The following CCDC3 variants were observed in gnomAD, a reference collection of about 807,000 sequenced individuals.
CCDC3 encodes coiled-coil domain containing 3.
A neutral mutation model predicts 21.4 loss-of-function variants in CCDC3; 24 were observed. The observed-to-expected ratio is 1.12, with a 90% CI of 0.81 to 1.58. The LOEUF (loss-of-function observed/expected upper bound fraction) is 1.58, where lower values mean the gene tolerates loss of function less well. Among genes scored for constraint, CCDC3 ranks in the 40% most tolerant of loss-of-function variants. CCDC3 has a pLI of 0.00. For synonymous variants in CCDC3, 186 were observed against 166.0 expected, an observed-to-expected ratio of 1.12 and a Z score of -0.93; for missense variants, 425 against 360.9, an observed-to-expected ratio of 1.18 and a Z score of -1.44.
chr10:12,996,183 TAAG>T (rs1276324459), intron 2 of CCDC3, among the ~76,000 whole-genome samples: 2 of 152,048 alleles, frequency 1.3e-5, no homozygotes, highest in African/African-American at 4.8e-5. Context: ...CAGTAATGAT[TAAG>T]AAGGAGAAAA....
At chr10:13,012,591 G>C (rs1465584772) in intron 5 of CCDC3, among the ~76,000 whole-genome samples, 1 of 152,000 alleles carries the variant, frequency 6.6e-6, no homozygotes, top group African/African-American at 2.4e-5. Flanking sequence ...TATACTGCTG[G>C]TGGGAGGAGG....
At chr10:12,940,352 T>G (rs1354631305) in intron 2 of CCDC3, among the ~76,000 whole-genome samples, 1 of 150,312 alleles carries the variant, frequency 6.7e-6, no homozygotes, top group East Asian at 2.0e-4. Context: ...ATATTATTGG[T>G]GCACAAGAGA....
At chr10:13,000,880 G>A (rs1397266770) in intron 1 of CCDC3, among the ~76,000 whole-genome samples, 1 of 152,206 alleles carries the variant, frequency 6.6e-6, no homozygotes, top group Non-Finnish European at 1.5e-5. Context: ...TACTCCCACT[G>A]AGGCCAGTTT....
At chr10:12,928,272 A>T (rs1834578185) in intron 2 of CCDC3, among the ~76,000 whole-genome samples, 1 of 152,242 alleles carries the variant, frequency 6.6e-6, no homozygotes, top group Non-Finnish European at 1.5e-5. Flanking sequence ...TTAAGCTTGG[A>T]AAGCCAGTAT....
intron 4 of CCDC3, among the ~76,000 whole-genome samples, chr10:13,060,873 G>C (rs1439947556): frequency 6.6e-6 from 1 of 152,110 alleles, no homozygotes; most frequent in East Asian, 1.9e-4. Context: ...TATCATTTGT[G>C]AGTTTTATAA....
intron 5 of CCDC3, among the ~76,000 whole-genome samples, chr10:13,034,892 G>T (rs1249218678): frequency 1.3e-5 from 2 of 152,062 alleles, no homozygotes; most frequent in Non-Finnish European, 2.9e-5. Context: ...CAGGCATGTT[G>T]GCGGATGCCT....
At chr10:13,096,176 C>G (rs138727854) in intron 3 of CCDC3, among the ~76,000 whole-genome samples, 1 of 63,758 alleles carries the variant, frequency 1.6e-5, no homozygotes, top group African/African-American at 4.2e-5. Context: ...ACCTTTCTTC[C>G]TTCTCTCTCT....
intron 2 of CCDC3, among the ~76,000 whole-genome samples, chr10:12,978,657 T>C (rs560697118): frequency 2.1e-4 from 32 of 152,070 alleles, no homozygotes; most frequent in African/African-American, 7.5e-4. Flanking sequence ...AGAAAGAAAG[T>C]TGGACCACAC....
rs191993492 is a variant in CCDC3 at position 12,984,157 on chromosome 10, T to A, written c.549+14181A>T. ...GGAGAAAATGTGTACAAATCATACA[T>A]GTGATAAGGGTTTAGTATCCATAAT... On this transcript the variant is annotated intron_variant, in intron 2 of 2. Coordinates refer to ENST00000378825, the MANE Select transcript of CCDC3 (RefSeq NM_031455.4). Among the ~76,000 whole-genome samples, 286 of 152,256 alleles carry A rather than the reference T, an allele frequency of 1.9e-3. 2 individuals are homozygous for A. Among genetic ancestry groups the A allele is most frequent in the Admixed American group, 3.5e-3 (53 of 15,286 alleles).
At chr10:12,945,793 A>C (rs2131242835) in intron 2 of CCDC3, among the ~76,000 whole-genome samples, 1 of 152,338 alleles carries the variant, frequency 6.6e-6, no homozygotes, top group Non-Finnish European at 1.5e-5. Flanking sequence ...AAAAGAACTA[A>C]GGTTTTTCTA....
intron 2 of CCDC3, among the ~76,000 whole-genome samples, chr10:12,982,035 T>C (rs11594710): frequency 0.37 from 53,778 of 145,350 alleles, 10,399 homozygotes; most frequent in South Asian, 0.44. Context: ...CGCAGGAGAA[T>C]TGCTTGAACT....
chr10:13,079,273 C>T (rs987122848), intron 3 of CCDC3, among the ~76,000 whole-genome samples: 15 of 6,604 alleles, frequency 2.3e-3, no homozygotes, highest in Non-Finnish European at 0.017. Context: ...AGGAGGCACG[C>T]GTTGTGGCCT....
upstream of CCDC3, among the ~76,000 whole-genome samples, chr10:13,003,616 C>T (rs943541431): frequency 1.4e-4 from 22 of 152,154 alleles, no homozygotes; most frequent in African/African-American, 5.3e-4. Flanking sequence ...AGAATCCCTG[C>T]TCTATTTTAG....
At chr10:13,081,323 C>T (rs1459452769) in intron 3 of CCDC3, among the ~76,000 whole-genome samples, 1 of 152,176 alleles carries the variant, frequency 6.6e-6, no homozygotes, top group Non-Finnish European at 1.5e-5. Context: ...ACAGGTACCA[C>T]CCCTAGAATT....
rs150719905 is a variant in CCDC3 at position 12,957,665 on chromosome 10, C to A, written c.549+40673G>T. On this transcript the variant is annotated intron_variant, in intron 2 of 2. Transcript: ENST00000378825. ...CTCTCGAGATCTGATTGTTTCTAAG[C>A]GTGCGGCACCTCCCTCCTACCTCCC... Among the ~76,000 whole-genome samples the A allele has an allele frequency of 4.5e-4, 68 of 152,190 alleles. 1 individual carries two copies. In the East Asian group the frequency reaches 0.012, roughly 28 times the overall value.
intron 2 of CCDC3, among the ~76,000 whole-genome samples, chr10:12,953,723 A>AC (rs1469675869): frequency 2.1e-4 from 32 of 152,318 alleles, no homozygotes; most frequent in African/African-American, 7.5e-4. Context: ...GCCTCGAGGC[A>AC]CTCGGCCCCA....
At chr10:12,930,212 A>G (rs1834617470) in intron 2 of CCDC3, among the ~76,000 whole-genome samples, 1 of 152,200 alleles carries the variant, frequency 6.6e-6, no homozygotes. Context: ...TGTCCAGGAC[A>G]ATACGTTGTA....
intron 2 of CCDC3, chr10:13,099,012 G>C (rs1172859611): frequency 6.6e-6 from 1 of 152,214 alleles, no homozygotes; most frequent in Non-Finnish European, 1.5e-5. Context: ...ACCGCGCCTG[G>C]CCCTCCTGCA....
At chr10:12,960,946 C>G (rs774260421) in intron 2 of CCDC3, among the ~76,000 whole-genome samples, 5 of 152,052 alleles carry the variant, frequency 3.3e-5, no homozygotes, top group Non-Finnish European at 7.4e-5. Context: ...TCTCTGCAGT[C>G]TGGGTTGGTA....
Sources: gnomAD v4.1 joint callset for allele counts (sites outside exome capture counted in the v4.1 genomes callset) on GRCh38, gnomAD v4.1.1 for gene constraint, MANE v1.5 for transcripts, NCBI Gene and HGNC (gene_info 2026-07-23, HGNC 2026-07-21) for gene names.